The following TMC3 variants were observed in gnomAD, a reference collection of about 807,000 sequenced individuals.
TMC3 encodes transmembrane channel like 3.
TMC3 carries 98 observed loss-of-function variants against 110.6 expected under a neutral mutation model. The ratio of observed to expected loss-of-function variants is 0.89; its 90% CI spans 0.75 to 1.05. The LOEUF (loss-of-function observed/expected upper bound fraction) is 1.05, where lower values mean the gene tolerates loss of function less well. TMC3 is among the 50% of genes least tolerant of loss of function. TMC3 has a pLI of 0.00. For missense variants in TMC3, 1,319 were observed against 1,373.2 expected (o/e 0.96, Z 0.62); for synonymous variants, 489 against 513.1 (o/e 0.95, Z 0.63).
At chr15:81,345,565 G>A (rs546743586) in intron 12 of TMC3, among the ~76,000 whole-genome samples, 7 of 152,112 alleles carry the variant, frequency 4.6e-5, no homozygotes, top group African/African-American at 1.2e-4. Flanking sequence ...CTTATAGGTG[G>A]GGCAGGTTGA....
Position 81,345,004 on chromosome 15 carries a change from GC to G in TMC3, c.1279del (p.Ala427LeufsTer10), listed in dbSNP as rs1388039432. On this transcript the variant is annotated frameshift_variant, in exon 13 of 22. Transcript: ENST00000359440. LOFTEE classifies it high-confidence loss of function. ...CCAATGACTTGTGTTATTTTTGGTA[GC>G]CATTTCCTGGGGAGAGAGAGAGAGA... is the stretch of plus-strand genomic sequence containing the variant. ...KVNSMSIEEM[A>X]TKNNTSHWID... 3.2e-6 allele frequency: 5 copies of G among 1,571,006 alleles called. No individual in the cohort carries two copies. In the South Asian group the frequency reaches 3.5e-5, roughly 11 times the overall value.
At chr15:81,340,535 A>G (rs1290333377) in intron 16 of TMC3, among the ~76,000 whole-genome samples, 1 of 152,258 alleles carries the variant, frequency 6.6e-6, no homozygotes, top group Admixed American at 6.5e-5. Flanking sequence ...TCAAAGTAAA[A>G]TAACTGAATC....
Position 81,338,728 on chromosome 15 carries a change from G to T in TMC3, c.2008C>A (p.Pro670Thr). The change falls in exon 18 of 22, where the codon CCT (proline) becomes ACT (threonine). Residue 670 changes from proline (P) to threonine (T), a missense_variant. Coordinates refer to ENST00000359440, the MANE Select transcript of TMC3 (RefSeq NM_001080532.3). ...IVSETIEKDF[P>T]VWFGSVVGHI... ...CCAACCACGGAGCCAAACCACACAGGAAAGTCTTTCTCAATCGTTTCTGAC... is the reference window on the plus strand; with the variant it reads ...CCAACCACGGAGCCAAACCACACAGTAAAGTCTTTCTCAATCGTTTCTGAC... 1 of 1,613,982 alleles carries T rather than the reference G, an allele frequency of 6.2e-7. No homozygotes were observed. The highest frequency in any genetic ancestry group is 1.3e-5 in the African/African-American group (1 of 75,036).
intron 9 of TMC3, among the ~76,000 whole-genome samples, chr15:81,353,774 A>G (rs1894001803): frequency 6.6e-6 from 1 of 152,226 alleles, no homozygotes; most frequent in Non-Finnish European, 1.5e-5. Flanking sequence ...GTCACTATGC[A>G]ACATCTGACT....
At chr15:81,347,809 C>T (rs758650743) in intron 11 of TMC3, among the ~76,000 whole-genome samples, 7 of 150,880 alleles carry the variant, frequency 4.6e-5, no homozygotes, top group Non-Finnish European at 1.0e-4. Context: ...TTGATTCCAC[C>T]CAATACTTGC....
In TMC3 at chr15:81,368,312, CA is replaced by C. The variant is rs1567070931; in HGVS notation, c.252del (p.Ile84MetfsTer3). ...GTCAGCCTCCCTTCAAACTTCAGCA[CA>C]ATGTTCTTCGCTTGTCTAAGAGAAG... ...KLRALRQAKN[I>X]VLKFEGRLTR... On this transcript the variant is annotated frameshift_variant, in exon 3 of 22. Transcript: ENST00000359440. LOFTEE classifies it high-confidence loss of function. The C allele has an allele frequency of 1.2e-6, 2 of 1,613,506 alleles. No homozygotes were observed. Among genetic ancestry groups the C allele is most frequent in the South Asian group, 2.2e-5 (2 of 91,078 alleles).
chr15:81,351,964 C>CA lies in TMC3; in HGVS notation c.936-124dup, dbSNP rs1193909493. ...GCCAAGAGGATTCTCTGCCCTGAAG[C>CA]ATCAATGCACTTCCAGCCCACCCCA... is the stretch of plus-strand genomic sequence containing the variant. On this transcript the variant is annotated intron_variant, in intron 9 of 21. Coordinates refer to ENST00000359440, the MANE Select transcript of TMC3 (RefSeq NM_001080532.3). The CA allele has an allele frequency of 8.8e-6, 10 of 1,136,798 alleles. No homozygotes were observed. The African/African-American group carries it at 1.4e-4, about 16-fold the overall frequency. 70.4% of individuals were successfully genotyped at this position (1,136,798 alleles called of 1,614,324 possible).
Position 81,355,770 on chromosome 15 carries a change from T to C in TMC3, c.892-2A>G. On this transcript the variant is annotated splice_acceptor_variant, in intron 8 of 21. Transcript: ENST00000359440. LOFTEE classifies it high-confidence loss of function. ...CTCCTGTTCTTCCAATATAGCTTCCTTTAAGAAAAATACATACAGCAATAA... is the reference window on the plus strand; with the variant it reads ...CTCCTGTTCTTCCAATATAGCTTCCCTTAAGAAAAATACATACAGCAATAA... 1 of 1,578,918 alleles carries C rather than the reference T, an allele frequency of 6.3e-7. No homozygotes were observed. Among genetic ancestry groups the C allele is most frequent in the Non-Finnish European group, 8.7e-7 (1 of 1,152,294 alleles).
rs534598785 is a variant in TMC3 at position 81,344,475 on chromosome 15, G to A, written c.1518+291C>T. On this transcript the variant is annotated intron_variant, in intron 13 of 21. Transcript: ENST00000359440. ...TCTGCTCTTTACTATCTGTGTCCTTGGGCAAGTACTTGACCACTGTGCCTC... is the reference window on the plus strand; with the variant it reads ...TCTGCTCTTTACTATCTGTGTCCTTAGGCAAGTACTTGACCACTGTGCCTC... 5.3e-5 allele frequency among the ~76,000 whole-genome samples: 8 copies of A among 152,202 alleles called. No homozygotes were observed. In the East Asian group the frequency reaches 1.5e-3, roughly 29 times the overall value.
chr15:81,353,366 GT>G (rs949060631), intron 9 of TMC3, among the ~76,000 whole-genome samples: 4 of 152,132 alleles, frequency 2.6e-5, no homozygotes, highest in African/African-American at 9.7e-5. Context: ...AATGTACAGT[GT>G]TTATAAAGTC....
chr15:81,364,700 CA>C (rs71153571), intron 3 of TMC3, among the ~76,000 whole-genome samples: 3,314 of 110,276 alleles, frequency 0.03, 50 homozygotes, highest in East Asian at 0.078. Flanking sequence ...AACATTATTC[CA>C]AAAAAAAAAA....
Position 81,333,034 on chromosome 15 carries a change from G to T in TMC3, c.2688C>A (p.Tyr896Ter), listed in dbSNP as rs758804733. 6.2e-7 allele frequency: 1 copy of T among 1,613,672 alleles called. No individual in the cohort carries two copies. The highest frequency in any genetic ancestry group is 1.1e-5 in the South Asian group (1 of 91,040). ...GCCAGACATTTAGATGTTTTTTCTT[G>T]TAAGAGTCACATTCATTAATGACAT... is the stretch of plus-strand genomic sequence containing the variant. ...RYYVINECDS[Y>*]KKKHLNVWPE... Residue 896 changes from tyrosine to a stop codon, truncating the protein, a stop_gained, in exon 22 of 22, where the codon TAC (tyrosine) becomes TAA (stop). Transcript: ENST00000359440. LOFTEE classifies it low-confidence loss of function (END_TRUNC).
intron 5 of TMC3, among the ~76,000 whole-genome samples, 187 bp from the exon 6 acceptor site, chr15:81,358,687 A>T (rs554720226): frequency 6.6e-6 from 1 of 152,338 alleles, no homozygotes; most frequent in Non-Finnish European, 1.5e-5. Context: ...TTGCCTGATT[A>T]GAGCTCACCT....
At chr15:81,362,654 T>C (rs1212199597) in intron 3 of TMC3, among the ~76,000 whole-genome samples, 1 of 152,076 alleles carries the variant, frequency 6.6e-6, no homozygotes, top group Non-Finnish European at 1.5e-5. Context: ...CTCTTGCTCT[T>C]TGAGAAAAAA....
At position 81,358,423 on chromosome 15, in the gene TMC3, C is replaced by T; in HGVS notation, c.579G>A (p.Leu193=). ...TCACCCCCAGAGACCAGACGGTGTCCAGGTCTTGGGCAGACGAAACCTGCT... is the reference window on the plus strand; with the variant it reads ...TCACCCCCAGAGACCAGACGGTGTCTAGGTCTTGGGCAGACGAAACCTGCT... ...PKEQVSSAQD[L]DTVWSLGGYL... The change falls in exon 6 of 22, where the codon CTG becomes CTA. Residue 193 remains leucine (L), a synonymous_variant. Transcript: ENST00000359440. 2 of 1,613,732 alleles carry T rather than the reference C, an allele frequency of 1.2e-6. No homozygotes were observed. The highest frequency in any genetic ancestry group is 1.7e-6 in the Non-Finnish European group (2 of 1,179,740).
Position 81,344,766 on chromosome 15 carries a change from C to A in TMC3, c.1518G>T (p.Gln506His). 1.2e-6 allele frequency: 2 copies of A among 1,613,608 alleles called. No individual in the cohort carries two copies. Among genetic ancestry groups the A allele is most frequent in the Non-Finnish European group, 1.7e-6 (2 of 1,179,838 alleles). ...QDQCWETYVGQEMLKLSIIDM... is the reference protein window; with the variant it reads ...QDQCWETYVGHEMLKLSIIDM... The stretch of plus-strand genomic sequence containing the variant: ...GCTTTGTAAGGGTAAAGAGAACCAC[C>A]TGACCAACGTATGTCTCCCAGCACT... The change falls in exon 13 of 22, where the codon CAG (glutamine) becomes CAT (histidine). Residue 506 changes from glutamine (Q) to histidine (H), a missense_variant and splice_region_variant. Physicochemically the swap from Gln to His is conservative, Grantham distance 24. Coordinates refer to ENST00000359440, the MANE Select transcript of TMC3 (RefSeq NM_001080532.3).
At position 81,358,281 on chromosome 15, in the gene TMC3, T is replaced by C; in HGVS notation, c.611A>G (p.Gln204Arg). Residue 204 changes from glutamine (Q) to arginine (R), a missense_variant, in exon 7 of 22, where the codon CAG becomes CGG. Coordinates refer to ENST00000359440, the MANE Select transcript of TMC3 (RefSeq NM_001080532.3). ...DTVWSLGGYL[Q>R]YSVLFYGYYG... ...ATATCCGTAGAAGAGGACAGAGTAC[T>C]GGAGGTAGCCCTGCAAAGAAAACAC... is the stretch of plus-strand genomic sequence containing the variant. 6.2e-7 allele frequency: 1 copy of C among 1,608,736 alleles called. No individual in the cohort carries two copies. The highest frequency in any genetic ancestry group is 1.1e-5 in the South Asian group (1 of 90,206).
intron 11 of TMC3, among the ~76,000 whole-genome samples, chr15:81,347,251 T>C (rs964002706): frequency 5.9e-5 from 9 of 152,182 alleles, no homozygotes; most frequent in African/African-American, 2.2e-4. Flanking sequence ...ATGAAGCCAA[T>C]TGATGGGAGA....
chr15:81,356,900 TTCTCA>T (rs1894077236), intron 7 of TMC3, among the ~76,000 whole-genome samples: 2 of 152,234 alleles, frequency 1.3e-5, no homozygotes, highest in Admixed American at 1.3e-4. Context: ...GAGCCAGCTG[TTCTCA>T]TCTCTTTGCA....
Sources: allele counts gnomAD v4.1 joint callset (sites outside exome capture counted in the v4.1 genomes callset), GRCh38; gene constraint gnomAD v4.1.1; transcripts MANE v1.5; gene names NCBI Gene and HGNC (gene_info 2026-07-23, HGNC 2026-07-21).